Variants in TTC7B observed in about 807,000 individuals in gnomAD.
The protein encoded by TTC7B is tetratricopeptide repeat domain 7B, also known as tetratricopeptide repeat protein 7B.
Under a neutral mutation model 106.8 loss-of-function variants are expected in TTC7B, and 28 were observed. That is an observed-to-expected ratio of 0.26 (90% CI 0.19 to 0.36). The LOEUF is 0.36. TTC7B is among the 10% of genes least tolerant of loss of function. TTC7B has a pLI of 1.00. For synonymous variants in TTC7B, 405 were observed against 430.6 expected, an observed-to-expected ratio of 0.94 and a Z score of 0.74; for missense variants, 862 against 1,076.4, an observed-to-expected ratio of 0.80 and a Z score of 2.79.
intron 15 of TTC7B, among the ~76,000 whole-genome samples, chr14:90,622,540 G>A (rs866107881): frequency 6.6e-6 from 1 of 150,522 alleles, no homozygotes; most frequent in African/African-American, 2.4e-5. Flanking sequence ...ACCAGCCTGG[G>A]CAACATGGTG....
chr14:90,566,503 G>A (rs1187595713), intron 19 of TTC7B, among the ~76,000 whole-genome samples: 1 of 152,046 alleles, frequency 6.6e-6, no homozygotes, highest in East Asian at 1.9e-4. Flanking sequence ...AAGCCCTTGG[G>A]GTGACTGACT....
chr14:90,804,319 G>A (rs561604546), intron 1 of TTC7B, among the ~76,000 whole-genome samples: 2 of 150,890 alleles, frequency 1.3e-5, no homozygotes, highest in Admixed American at 6.6e-5. Flanking sequence ...GTGACACAGC[G>A]AGACTCCGTC....
Position 90,578,409 on chromosome 14 carries a change from C to T in TTC7B, c.2108-101G>A, listed in dbSNP as rs78390247. The T allele has an allele frequency of 5.0e-4, 641 of 1,272,664 alleles. 3 individuals are homozygous for T. In the African/African-American group the frequency reaches 7.3e-3, roughly 15 times the overall value. The allele number at this position is 1,272,664 out of a possible 1,614,324, so 78.8% of individuals were successfully genotyped here. On this transcript the variant is annotated intron_variant, in intron 18 of 19. Coordinates refer to ENST00000328459, the MANE Select transcript of TTC7B (RefSeq NM_001010854.2). The surrounding 1 kb of genome is among the most constrained non-coding windows in gnomAD (Gnocchi z 4.7). ...TCGTGTTCCCTGCACGGGAGTCTGG[C>T]GGGGCGCAGAGCCAGCTGATCCCTG...
intron 1 of TTC7B, among the ~76,000 whole-genome samples, chr14:90,803,699 C>T (rs559291508): frequency 7.0e-6 from 1 of 143,292 alleles, no homozygotes; most frequent in African/African-American, 2.6e-5. Flanking sequence ...CCAAGCCTCC[C>T]CCCACATCTA....
chr14:90,544,678 C>T (rs760218952), intron 19 of TTC7B, among the ~76,000 whole-genome samples: 5 of 152,180 alleles, frequency 3.3e-5, no homozygotes, highest in East Asian at 3.9e-4. Flanking sequence ...TGTGCTCACC[C>T]GAGAACGTTC....
intron 1 of TTC7B, among the ~76,000 whole-genome samples, chr14:90,804,376 C>G (rs948856185): frequency 3.3e-5 from 5 of 152,020 alleles, no homozygotes; most frequent in Admixed American, 6.6e-5. Flanking sequence ...GCTGAAGCCT[C>G]GAGGCTGCAG....
intron 3 of TTC7B, among the ~76,000 whole-genome samples, chr14:90,748,678 T>C (rs1476664220): frequency 6.6e-6 from 1 of 152,200 alleles, no homozygotes; most frequent in Non-Finnish European, 1.5e-5. Context: ...ATAAGACCTT[T>C]ACAATTACAT....
At position 90,805,638 on chromosome 14, in the gene TTC7B, C is replaced by A. The variant is rs189095399; in HGVS notation, c.121+10537G>T. Among the ~76,000 whole-genome samples the A allele has an allele frequency of 0.011, 1,674 of 152,330 alleles. 33 individuals are homozygous for A. The highest frequency in any genetic ancestry group is 0.039 in the African/African-American group (1,609 of 41,572). ...TCAAGGGTACCCAGAGCTGGCTTCG[C>A]TTTTCCCTCGGGCATTATTTGGGGT... On this transcript the variant is annotated intron_variant, in intron 1 of 19. Transcript: ENST00000328459. This position sits in a 1 kb window ranked among gnomAD's most constrained non-coding sequence, Gnocchi z 4.0.
intron 3 of TTC7B, chr14:90,766,750 C>G: frequency 6.4e-7 from 1 of 1,565,436 alleles, no homozygotes. Context: ...TATGCAGAAT[C>G]CATGCCAGTA....
chr14:90,805,268 G>T lies in TTC7B; in HGVS notation c.121+10907C>A, dbSNP rs975494732. Among the ~76,000 whole-genome samples, 22 of 152,268 alleles carry T rather than the reference G, an allele frequency of 1.4e-4. No individual in the cohort carries two copies. The highest frequency in any genetic ancestry group is 5.1e-4 in the African/African-American group (21 of 41,558). On this transcript the variant is annotated intron_variant, in intron 1 of 19. Coordinates refer to ENST00000328459, the MANE Select transcript of TTC7B (RefSeq NM_001010854.2). This position sits in a 1 kb window ranked among gnomAD's most constrained non-coding sequence, Gnocchi z 4.0. ...ATGAATCTAAGTAAACTCCTCAAGG[G>T]CAGAGGCCAAGGTGTCTTGTTCTGT...
In TTC7B at chr14:90,539,908, C is replaced by T. The variant is rs530614186; in HGVS notation, c.*1460G>A. On this transcript the variant is annotated 3_prime_UTR_variant, in exon 20 of 20. Transcript: ENST00000328459. Reference sequence around the variant, plus strand: ...GAGCGACAGCCTTCTCTGTGGCTCCCGCTCTGACTGGACCGCTTTAGGTCA... The same window carrying T: ...GAGCGACAGCCTTCTCTGTGGCTCCTGCTCTGACTGGACCGCTTTAGGTCA... 6 of 152,398 alleles carry T rather than the reference C, an allele frequency of 3.9e-5. No homozygotes were observed. The highest frequency in any genetic ancestry group is 9.6e-5 in the African/African-American group (4 of 41,594). The allele number at this position is 152,398 out of a possible 1,614,324, so 9.4% of individuals were successfully genotyped here. A position where few individuals can be genotyped will look rare whatever the true frequency, so the allele number is the denominator to read the frequency against.
rs145902645 is a variant in TTC7B at position 90,552,541 on chromosome 14, C to A, written c.2311-10952G>T. On this transcript the variant is annotated intron_variant, in intron 19 of 19. Transcript: ENST00000328459. Reference sequence around the variant, plus strand: ...GCCTCCAATCCTGCCCACCCCCAGGCTCTCAGGTGGGGATAGAACATTCGT... The same window carrying A: ...GCCTCCAATCCTGCCCACCCCCAGGATCTCAGGTGGGGATAGAACATTCGT... Among the ~76,000 whole-genome samples, 331 of 152,348 alleles carry A rather than the reference C, an allele frequency of 2.2e-3. 3 individuals are homozygous for A. The highest frequency in any genetic ancestry group is 3.5e-3 in the Non-Finnish European group (240 of 68,032).
At chr14:90,593,651 C>CT (rs747809749) in intron 17 of TTC7B, 25 bp from the exon 18 acceptor site, 8 of 1,557,038 alleles carry the variant, frequency 5.1e-6, no homozygotes, top group Non-Finnish European at 7.0e-6. Context: ...TGAGAAGACT[C>CT]TATCAGGAGC....
At chr14:90,553,997 C>T (rs776501394) in intron 19 of TTC7B, among the ~76,000 whole-genome samples, 2 of 152,218 alleles carry the variant, frequency 1.3e-5, no homozygotes, top group Admixed American at 6.5e-5. Context: ...CAGTAAACGC[C>T]AGCACCTAGG....
At chr14:90,566,856 T>A (rs1227650679) in intron 19 of TTC7B, among the ~76,000 whole-genome samples, 1 of 152,096 alleles carries the variant, frequency 6.6e-6, no homozygotes, top group Non-Finnish European at 1.5e-5. Context: ...CCTCAGACCT[T>A]GGTTGGTTTG....
At position 90,786,180 on chromosome 14, in the gene TTC7B, G is replaced by A. The variant is rs1405839735; in HGVS notation, c.270C>T (p.Asn90=). 6.5e-7 allele frequency: 1 copy of A among 1,549,556 alleles called. No individual in the cohort carries two copies. The highest frequency in any genetic ancestry group is 8.7e-7 in the Non-Finnish European group (1 of 1,151,508). The change falls in exon 2 of 20, where the codon AAC becomes AAT. Residue 90 remains asparagine (N), a synonymous_variant. Transcript: ENST00000328459. ...KHLTAALDRG[N]LKSEFLQESN... Reference sequence around the variant, plus strand: ...GCCCAGAGGCCCATGGTACCTTAAGGTTCCCTCGGTCCAGGGCGGCGGTCA... The same window carrying A: ...GCCCAGAGGCCCATGGTACCTTAAGATTCCCTCGGTCCAGGGCGGCGGTCA...
At chr14:90,749,367 C>T (rs1255592838) in intron 3 of TTC7B, among the ~76,000 whole-genome samples, 1 of 149,940 alleles carries the variant, frequency 6.7e-6, no homozygotes, top group Non-Finnish European at 1.5e-5. Flanking sequence ...CTACAGATCA[C>T]TTATGGTCTT....
intron 2 of TTC7B, among the ~76,000 whole-genome samples, 157 bp from the exon 3 acceptor site, chr14:90,781,063 A>G (rs1487700181): frequency 1.3e-5 from 2 of 152,252 alleles, no homozygotes; most frequent in Non-Finnish European, 2.9e-5. Flanking sequence ...ATAGCCAAAC[A>G]GTGGAAACAA....
intron 5 of TTC7B, among the ~76,000 whole-genome samples, chr14:90,707,329 CT>C (rs1888252191): frequency 6.6e-6 from 1 of 152,228 alleles, no homozygotes; most frequent in African/African-American, 2.4e-5. Flanking sequence ...ATCTCTCTCC[CT>C]TTCCTTGGTC....
Sources: allele counts gnomAD v4.1 joint callset (sites outside exome capture counted in the v4.1 genomes callset), GRCh38; gene constraint gnomAD v4.1.1; non-coding constraint Gnocchi (gnomAD v3.1); transcripts MANE v1.5; gene names NCBI Gene and HGNC (gene_info 2026-07-23, HGNC 2026-07-21).